CTBS: variants seen among roughly 807,000 people sequenced by gnomAD.
CTBS encodes chitobiase.
CTBS carries 35 observed loss-of-function variants against 44.3 expected under a neutral mutation model. The ratio of observed to expected loss-of-function variants is 0.79; its 90% CI spans 0.60 to 1.05. The LOEUF is 1.05. CTBS is among the 50% of genes least tolerant of loss of function. The pLI is 0.00. For synonymous variants in CTBS, 143 were observed against 168.0 expected, an observed-to-expected ratio of 0.85 and a Z score of 1.15; for missense variants, 458 against 475.3, an observed-to-expected ratio of 0.96 and a Z score of 0.34.
rs542671820 is a variant in CTBS, at chr1:84,558,493, G to A, written c.958-3294C>T. On this transcript the variant is annotated intron_variant, in intron 6 of 6. Coordinates refer to ENST00000370630, the MANE Select transcript of CTBS (RefSeq NM_004388.3). ...TTTTTAGTAGAGACGGGGTTTCACC[G>A]TTTTAGCCGGGATGGTCTCGATCTC... Among the ~76,000 whole-genome samples the A allele has an allele frequency of 6.1e-4, 92 of 150,668 alleles. 1 individual carries two copies. The South Asian group carries it at 0.018, about 30-fold the overall frequency.
At chr1:84,557,533 C>CAAA (rs56101174) in intron 6 of CTBS, among the ~76,000 whole-genome samples, 18 of 55,424 alleles carry the variant, frequency 3.2e-4, no homozygotes, top group Non-Finnish European at 4.6e-4. Flanking sequence ...AACTCCATCT[C>CAAA]AAAAAAAAAA....
chr1:84,556,061 T>C (rs1477784399), intron 6 of CTBS: 1 of 152,210 alleles, frequency 6.6e-6, no homozygotes, highest in African/African-American at 2.4e-5. Flanking sequence ...CTGCACTTTA[T>C]TGGTGACTTA....
chr1:84,559,986 G>A (rs1483042930), intron 6 of CTBS, among the ~76,000 whole-genome samples: 3 of 150,298 alleles, frequency 2.0e-5, no homozygotes, highest in Admixed American at 6.6e-5. Context: ...GGGGGAAGCT[G>A]AGGAGTAGAA....
chr1:84,570,257 G>T, intron 2 of CTBS, 118 bp from the exon 3 acceptor site: 1 of 783,890 alleles, frequency 1.3e-6, no homozygotes, highest in Non-Finnish European at 2.0e-6. Context: ...GTAACAGAAA[G>T]CCATTACTCA....
At chr1:84,559,985 T>C (rs907334591) in intron 6 of CTBS, among the ~76,000 whole-genome samples, 1 of 147,332 alleles carries the variant, frequency 6.8e-6, no homozygotes, top group African/African-American at 2.5e-5. Context: ...TGGGGGAAGC[T>C]GAGGAGTAGA....
At chr1:84,558,296 T>TC (rs1177486245) in intron 6 of CTBS, among the ~76,000 whole-genome samples, 6 of 151,312 alleles carry the variant, frequency 4.0e-5, no homozygotes, top group Admixed American at 2.0e-4. Flanking sequence ...CATTAAACTT[T>TC]TTTTTTTTTT....
At position 84,551,977 on chromosome 1, in the gene CTBS, CAAATT is replaced by C. The variant is rs1448069789; in HGVS notation, c.*3017_*3021del. On this transcript the variant is annotated 3_prime_UTR_variant, in exon 7 of 7. Coordinates refer to ENST00000370630, the MANE Select transcript of CTBS (RefSeq NM_004388.3). ...ACAAATGTCACTCATGGTTTGAACT[CAAATT>C]AGAATTGTTCATACAAAAACAGTAA... is the stretch of plus-strand genomic sequence containing the variant. 3 of 151,752 alleles carry C rather than the reference CAAATT, an allele frequency of 2.0e-5. No homozygotes were observed. Among genetic ancestry groups the C allele is most frequent in the African/African-American group, 7.3e-5 (3 of 41,292 alleles). 9.4% of individuals were successfully genotyped at this position (151,752 alleles called of 1,614,324 possible).
chr1:84,570,438 G>T, intron 2 of CTBS, 144 bp downstream of exon 2: 2 of 727,060 alleles, frequency 2.8e-6, no homozygotes, highest in Non-Finnish European at 4.5e-6. Flanking sequence ...TTTGTGAAAT[G>T]AATTACACAG....
At chr1:84,564,562 A>G (rs1266317163) in intron 4 of CTBS, among the ~76,000 whole-genome samples, 5 of 152,188 alleles carry the variant, frequency 3.3e-5, no homozygotes, top group Admixed American at 3.3e-4. Flanking sequence ...TATTTATGAT[A>G]CAAAGTATCC....
chr1:84,570,816 T>C, intron 1 of CTBS, 96 bp from the exon 2 acceptor site: 1 of 1,231,194 alleles, frequency 8.1e-7, no homozygotes, highest in Non-Finnish European at 1.1e-6. Flanking sequence ...CACCAAACAC[T>C]ATGGTGGCAG....
intron 6 of CTBS, among the ~76,000 whole-genome samples, chr1:84,560,609 T>C (rs1332717492): frequency 6.6e-6 from 1 of 152,224 alleles, no homozygotes; most frequent in Non-Finnish European, 1.5e-5. Context: ...TGGAAGAAGA[T>C]GATGCCATTT....
chr1:84,552,483 T>C lies in CTBS; in HGVS notation c.*2516A>G, dbSNP rs1351478993. Reference sequence around the variant, plus strand: ...TTACTAGTTTTTTATCTTGAGCAAGTTACTTAGCCTCTAAAGGTCTCCATT... The same window carrying C: ...TTACTAGTTTTTTATCTTGAGCAAGCTACTTAGCCTCTAAAGGTCTCCATT... On this transcript the variant is annotated 3_prime_UTR_variant, in exon 7 of 7. Coordinates refer to ENST00000370630, the MANE Select transcript of CTBS (RefSeq NM_004388.3). The C allele has an allele frequency of 6.6e-6, 1 of 152,078 alleles. No homozygotes were observed. Among genetic ancestry groups the C allele is most frequent in the Non-Finnish European group, 1.5e-5 (1 of 68,014 alleles). The allele number at this position is 152,078 out of a possible 1,614,324, so 9.4% of individuals were successfully genotyped here. A position where few individuals can be genotyped will look rare whatever the true frequency, so the allele number is the denominator to read the frequency against.
chr1:84,557,943 G>A (rs1336974606), intron 6 of CTBS, among the ~76,000 whole-genome samples: 2 of 151,896 alleles, frequency 1.3e-5, no homozygotes, highest in Non-Finnish European at 2.9e-5. Context: ...GCACCAAAAT[G>A]TTTCCTGAAT....
chr1:84,549,873 T>A lies in CTBS; in HGVS notation c.*5126A>T, dbSNP rs1331627819. 1 of 56,724 alleles carries A rather than the reference T, an allele frequency of 1.8e-5. No homozygotes were observed. Among genetic ancestry groups the A allele is most frequent in the South Asian group, 6.5e-4 (1 of 1,546 alleles). 3.5% of individuals were successfully genotyped at this position (56,724 alleles called of 1,614,324 possible). A position where few individuals can be genotyped will look rare whatever the true frequency, so the allele number is the denominator to read the frequency against. On this transcript the variant is annotated 3_prime_UTR_variant, in exon 7 of 7. Coordinates refer to ENST00000370630, the MANE Select transcript of CTBS (RefSeq NM_004388.3). Reference sequence around the variant, plus strand: ...ATGGTTTGTCCATAGTAGTTGGTACTTTTTTTTTTAGCATAGCTTATACTT... The same window carrying A: ...ATGGTTTGTCCATAGTAGTTGGTACATTTTTTTTTAGCATAGCTTATACTT...
At chr1:84,558,494 T>G (rs1212806853) in intron 6 of CTBS, among the ~76,000 whole-genome samples, 1 of 151,192 alleles carries the variant, frequency 6.6e-6, no homozygotes, top group Non-Finnish European at 1.5e-5. Context: ...GGTTTCACCG[T>G]TTTAGCCGGG....
At chr1:84,567,004 AT>A (rs1684713182) in intron 3 of CTBS, among the ~76,000 whole-genome samples, 1 of 152,208 alleles carries the variant, frequency 6.6e-6, no homozygotes, top group South Asian at 2.1e-4. Flanking sequence ...TTAACCAAAT[AT>A]TAATTAGCCT....
chr1:84,573,587 T>C (rs1226400714), intron 1 of CTBS, among the ~76,000 whole-genome samples: 1 of 152,256 alleles, frequency 6.6e-6, no homozygotes, highest in Non-Finnish European at 1.5e-5. Context: ...TTCTTTGAAT[T>C]AAGCCTTTGG....
chr1:84,571,941 A>T (rs1647315740), intron 1 of CTBS, among the ~76,000 whole-genome samples: 1 of 152,206 alleles, frequency 6.6e-6, no homozygotes, highest in South Asian at 2.1e-4. Context: ...GAATTCTGAG[A>T]TTCTGGAACT....
At chr1:84,557,545 A>G (rs1233129509) in intron 6 of CTBS, among the ~76,000 whole-genome samples, 3 of 129,594 alleles carry the variant, frequency 2.3e-5, no homozygotes, top group African/African-American at 3.7e-5. Context: ...AAAAAAAAAA[A>G]AAAAAAAAGA....
Sources: gnomAD v4.1 joint callset for allele counts (sites outside exome capture counted in the v4.1 genomes callset) on GRCh38, gnomAD v4.1.1 for gene constraint, MANE v1.5 for transcripts, NCBI Gene and HGNC (gene_info 2026-07-23, HGNC 2026-07-21) for gene names.